PLEKHA8: variants seen among roughly 807,000 people sequenced by gnomAD.
PLEKHA8 encodes the protein pleckstrin homology domain-containing family A member 8.
In PLEKHA8, 36 loss-of-function variants were observed where a neutral mutation model predicts 68.2. That is an observed-to-expected ratio of 0.53 (90% CI 0.40 to 0.70). The LOEUF (loss-of-function observed/expected upper bound fraction) is 0.70, where lower values mean the gene tolerates loss of function less well. Among genes scored for constraint, PLEKHA8 ranks in the 30% least tolerant of loss-of-function variants. The pLI, the probability that PLEKHA8 is intolerant of heterozygous loss-of-function variation, is 0.00. For missense variants in PLEKHA8, 505 were observed against 615.4 expected, an observed-to-expected ratio of 0.82 and a Z score of 1.90; for synonymous variants, 211 against 216.1, an observed-to-expected ratio of 0.98 and a Z score of 0.20.
At chr7:30,035,522 T>C (rs1025818549) in intron 1 of PLEKHA8, among the ~76,000 whole-genome samples, 2 of 152,248 alleles carry the variant, frequency 1.3e-5, no homozygotes, top group Admixed American at 6.5e-5. Context: ...CATATAATTA[T>C]TGGCCATTGC....
At chr7:30,085,084 A>G (rs1243808864), downstream of PLEKHA8, among the ~76,000 whole-genome samples, 1 of 151,492 alleles carries the variant, frequency 6.6e-6, no homozygotes, top group Admixed American at 6.6e-5. Context: ...AGCTGGGATT[A>G]CAGGCATGTG....
At chr7:30,126,937 G>A (rs1390088977) in intron 13 of PLEKHA8, among the ~76,000 whole-genome samples, 1 of 152,190 alleles carries the variant, frequency 6.6e-6, no homozygotes, top group Non-Finnish European at 1.5e-5. Flanking sequence ...TTCGGGTGGG[G>A]ACACAGCCAA....
intron 13 of PLEKHA8, among the ~76,000 whole-genome samples, chr7:30,115,248 G>A (rs904849320): frequency 3.3e-5 from 5 of 152,084 alleles, no homozygotes; most frequent in Admixed American, 2.6e-4. Context: ...AAGAAAGTTA[G>A]GAGTCTCATT....
chr7:30,053,646 T>C (rs984840738), intron 7 of PLEKHA8, among the ~76,000 whole-genome samples: 6 of 152,180 alleles, frequency 3.9e-5, no homozygotes, highest in African/African-American at 1.4e-4. Flanking sequence ...AGTGCAGTCA[T>C]TTATTTGCTC....
chr7:30,085,766 G>A (rs923268602), downstream of PLEKHA8, among the ~76,000 whole-genome samples: 9 of 152,192 alleles, frequency 5.9e-5, no homozygotes, highest in African/African-American at 1.7e-4. Context: ...TTGAGTGGTA[G>A]GTGCTTGAGC....
In PLEKHA8 at chr7:30,063,197, A is replaced by G. The variant is rs190102603; in HGVS notation, c.1300+455A>G. Among the ~76,000 whole-genome samples the G allele has an allele frequency of 6.1e-3, 936 of 152,272 alleles. 13 individuals carry two copies. Among genetic ancestry groups the G allele is most frequent in the Non-Finnish European group, 1.0e-2 (678 of 68,012 alleles). On this transcript the variant is annotated intron_variant, in intron 12 of 13. Coordinates refer to ENST00000449726, the MANE Select transcript of PLEKHA8 (RefSeq NM_001197026.2). ...CGTCGTGTAACTCCTCAAATATATA[A>G]TGCTGTGTGCGTCCCAGTTTCTAGT...
At chr7:30,035,593 T>C (rs1791003315) in intron 1 of PLEKHA8, among the ~76,000 whole-genome samples, 1 of 152,166 alleles carries the variant, frequency 6.6e-6, no homozygotes, top group Non-Finnish European at 1.5e-5. Context: ...AGTTAATTGT[T>C]CTTTTTATTA....
Position 30,080,548 on chromosome 7 carries a change from C to A in PLEKHA8, c.*1761C>A. 1 of 985,272 alleles carries A rather than the reference C, an allele frequency of 1.0e-6. No individual in the cohort carries two copies. Among genetic ancestry groups the A allele is most frequent in the Non-Finnish European group, 1.2e-6 (1 of 829,868 alleles). The allele number at this position is 985,272 out of a possible 1,614,324, so 61.0% of individuals were successfully genotyped here. On this transcript the variant is annotated 3_prime_UTR_variant, in exon 14 of 14. Transcript: ENST00000449726. ...GGGTATTGGTTTTGCCTTTGTGTGT[C>A]TTTAAACAAATGAACATTTATTTAG...
intron 1 of PLEKHA8, among the ~76,000 whole-genome samples, chr7:30,043,857 T>A (rs908420849): frequency 4.6e-5 from 7 of 152,094 alleles, no homozygotes; most frequent in African/African-American, 1.7e-4. Flanking sequence ...GCCCATCAGA[T>A]GTCTGTAGCT....
At position 30,080,136 on chromosome 7, in the gene PLEKHA8, G is replaced by A; in HGVS notation, c.*1349G>A. ...ATGCAGCTGTTTATCAATCTCAAAA[G>A]CTTTGGGACAGTGTCATAGTTGAAA... On this transcript the variant is annotated 3_prime_UTR_variant, in exon 14 of 14. Transcript: ENST00000449726. 1 of 985,338 alleles carries A rather than the reference G, an allele frequency of 1.0e-6. No individual in the cohort carries two copies. The highest frequency in any genetic ancestry group is 1.2e-6 in the Non-Finnish European group (1 of 829,902). 61.0% of individuals were successfully genotyped at this position (985,338 alleles called of 1,614,324 possible).
At chr7:30,064,018 C>T (rs927608086) in intron 12 of PLEKHA8, among the ~76,000 whole-genome samples, 2 of 152,244 alleles carry the variant, frequency 1.3e-5, no homozygotes, top group African/African-American at 4.8e-5. Context: ...CATGTCTACT[C>T]ATGCCCCCTA....
At chr7:30,088,345 G>T (rs1425897246), downstream of PLEKHA8, among the ~76,000 whole-genome samples, 1 of 152,106 alleles carries the variant, frequency 6.6e-6, no homozygotes, top group Admixed American at 6.5e-5. Flanking sequence ...CCCTGTTTGT[G>T]CATTAGAATC....
chr7:30,117,174 T>A (rs1020296377), intron 13 of PLEKHA8, among the ~76,000 whole-genome samples: 6 of 152,182 alleles, frequency 3.9e-5, no homozygotes, highest in Non-Finnish European at 5.9e-5. Flanking sequence ...AGACTGGGGT[T>A]CTCAGCTCAC....
intron 12 of PLEKHA8, among the ~76,000 whole-genome samples, chr7:30,071,104 T>C (rs1246417609): frequency 6.6e-6 from 1 of 152,240 alleles, no homozygotes; most frequent in Non-Finnish European, 1.5e-5. Flanking sequence ...GAAAGGATTA[T>C]AGGTTTCTTT....
intron 1 of PLEKHA8, among the ~76,000 whole-genome samples, chr7:30,031,858 C>T (rs1363583322): frequency 6.6e-6 from 1 of 152,096 alleles, no homozygotes; most frequent in Non-Finnish European, 1.5e-5. Context: ...ATTCATCAAG[C>T]CCTGATAATA....
At position 30,116,617 on chromosome 7, in the gene PLEKHA8, C is replaced by T. The variant is rs182165741; in HGVS notation, c.1363-12649C>T. On this transcript the variant is annotated intron_variant, in intron 13 of 13. Transcript: ENST00000396257. ...CCTAGAATCCTAATTAACATTGTGC[C>T]GCTGATAGATGCCTTACATTTAAAG... Among the ~76,000 whole-genome samples the T allele has an allele frequency of 4.6e-5, 7 of 152,204 alleles. No individual in the cohort carries two copies. In the East Asian group the frequency reaches 5.8e-4, roughly 13 times the overall value.
rs1794854492 is a variant in PLEKHA8, at chr7:30,080,221, A to G, written c.*1434A>G. 1.0e-6 allele frequency: 1 copy of G among 985,380 alleles called. No individual in the cohort carries two copies. The highest frequency in any genetic ancestry group is 4.7e-5 in the South Asian group (1 of 21,270). The allele number at this position is 985,380 out of a possible 1,614,324, so 61.0% of individuals were successfully genotyped here. On this transcript the variant is annotated 3_prime_UTR_variant, in exon 14 of 14. Coordinates refer to ENST00000449726, the MANE Select transcript of PLEKHA8 (RefSeq NM_001197026.2). ...TAAAACTTAAGAAACATTGTTTCAT[A>G]AAACAATATTGAGTGGGCATTCTTC...
At chr7:30,093,778 G>A (rs1795503984), downstream of PLEKHA8, among the ~76,000 whole-genome samples, 1 of 152,192 alleles carries the variant, frequency 6.6e-6, no homozygotes, top group South Asian at 2.1e-4. Flanking sequence ...GCATGCATGG[G>A]TACTCAGCTC....
intron 6 of PLEKHA8, among the ~76,000 whole-genome samples, chr7:30,050,945 T>C (rs1331822544): frequency 6.6e-6 from 1 of 152,238 alleles, no homozygotes; most frequent in Non-Finnish European, 1.5e-5. Flanking sequence ...ATTTTTAAGA[T>C]GATTTAACCC....
Sources: allele counts gnomAD v4.1 joint callset (sites outside exome capture counted in the v4.1 genomes callset), GRCh38; gene constraint gnomAD v4.1.1; transcripts MANE v1.5; gene names NCBI Gene and HGNC (gene_info 2026-07-23, HGNC 2026-07-21).